Variants in PPM1E observed in about 807,000 individuals in gnomAD.
PPM1E encodes the protein protein phosphatase 1E.
PPM1E carries 20 observed loss-of-function variants against 65.9 expected under a neutral mutation model. That is an observed-to-expected ratio of 0.30 (90% CI 0.21 to 0.44). The LOEUF (loss-of-function observed/expected upper bound fraction) is 0.44, where lower values mean the gene tolerates loss of function less well. Ranked by LOEUF, PPM1E falls within the 20% of genes least tolerant of loss-of-function variation. PPM1E has a pLI of 1.00. For missense variants in PPM1E, 713 were observed against 953.1 expected, an observed-to-expected ratio of 0.75 and a Z score of 3.32; for synonymous variants, 352 against 374.9, an observed-to-expected ratio of 0.94 and a Z score of 0.70.
intron 1 of PPM1E, among the ~76,000 whole-genome samples, chr17:58,848,131 G>C (rs1025479136): frequency 6.6e-6 from 1 of 152,212 alleles, no homozygotes; most frequent in African/African-American, 2.4e-5. Context: ...TTTGTATCCT[G>C]AGACTTTGCT....
chr17:58,779,920 A>G (rs7213035), intron 1 of PPM1E, among the ~76,000 whole-genome samples: 22,350 of 152,112 alleles, frequency 0.15, 2,544 homozygotes, highest in East Asian at 0.31. Context: ...ACATGTAAAG[A>G]TTTACCTCAT....
intron 2 of PPM1E, among the ~76,000 whole-genome samples, chr17:58,957,201 G>A (rs1207314278): frequency 1.3e-5 from 2 of 152,150 alleles, no homozygotes; most frequent in East Asian, 3.8e-4. Flanking sequence ...CTGTGAGGGG[G>A]TGGACTGCTA....
intron 1 of PPM1E, among the ~76,000 whole-genome samples, chr17:58,918,522 G>A (rs1356547361): frequency 2.6e-5 from 4 of 151,958 alleles, no homozygotes; most frequent in African/African-American, 2.4e-5. Context: ...TTAAAATAAT[G>A]TGTGCTTTAA....
At chr17:58,820,061 A>AATAC (rs1172103601) in intron 1 of PPM1E, among the ~76,000 whole-genome samples, 2 of 152,068 alleles carry the variant, frequency 1.3e-5, no homozygotes, top group African/African-American at 2.4e-5. Context: ...TAAATAAATA[A>AATAC]GATAAATAAA....
intron 1 of PPM1E, among the ~76,000 whole-genome samples, chr17:58,928,414 GA>G (rs2051850963): frequency 6.6e-6 from 1 of 151,858 alleles, no homozygotes; most frequent in African/African-American, 2.4e-5. Context: ...AACTCTTAGA[GA>G]AGGTATTTGG....
At chr17:58,900,342 G>A (rs543730448) in intron 1 of PPM1E, among the ~76,000 whole-genome samples, 8 of 152,068 alleles carry the variant, frequency 5.3e-5, no homozygotes, top group African/African-American at 9.7e-5. Context: ...AGAAATTACC[G>A]CAGTCACTCC....
chr17:58,896,850 A>T (rs2051424360), intron 1 of PPM1E, among the ~76,000 whole-genome samples: 1 of 152,208 alleles, frequency 6.6e-6, no homozygotes, highest in African/African-American at 2.4e-5. Flanking sequence ...ACTACAGAGG[A>T]TAAGTCAATG....
rs563715161 is a variant in PPM1E at position 58,930,248 on chromosome 17, T to TACACACACAC, written c.465-25400_465-25399insCACACACACA. 6.2e-3 allele frequency among the ~76,000 whole-genome samples: 885 copies of TACACACACAC among 142,124 alleles called. 5 individuals carry two copies. The highest frequency in any genetic ancestry group is 8.4e-3 in the Non-Finnish European group (550 of 65,608). The allele number at this position is 142,124 out of a possible 152,430, so 93.2% of individuals were successfully genotyped here. On this transcript the variant is annotated intron_variant, in intron 1 of 6. Coordinates refer to ENST00000308249, the MANE Select transcript of PPM1E (RefSeq NM_014906.5). ...CCACCTCTACAATAAATTAAATGTA[T>TACACACACAC]ATACACACACACACACACACACACA...
intron 1 of PPM1E, among the ~76,000 whole-genome samples, chr17:58,887,125 G>A (rs1035173770): frequency 6.7e-6 from 1 of 148,748 alleles, no homozygotes; most frequent in Non-Finnish European, 1.5e-5. Flanking sequence ...TGGGATTTAG[G>A]TTTATTGACC....
intron 1 of PPM1E, among the ~76,000 whole-genome samples, chr17:58,834,675 A>G (rs1027794675): frequency 4.6e-5 from 7 of 152,162 alleles, no homozygotes; most frequent in Non-Finnish European, 8.8e-5. Flanking sequence ...AATTGCTTTT[A>G]TGCCTTTGTC....
chr17:58,792,519 T>C (rs1470229392), intron 1 of PPM1E, among the ~76,000 whole-genome samples: 1 of 150,880 alleles, frequency 6.6e-6, no homozygotes, highest in African/African-American at 2.4e-5. Context: ...TTTTGTATGG[T>C]TTTGTAGAGA....
chr17:58,854,333 CAT>C (rs1390693430), intron 1 of PPM1E, among the ~76,000 whole-genome samples: 1 of 152,020 alleles, frequency 6.6e-6, no homozygotes, highest in Admixed American at 6.6e-5. Context: ...GGGTTTTCTA[CAT>C]ATAGGATCAC....
chr17:58,771,648 A>T (rs1244338464), intron 1 of PPM1E, among the ~76,000 whole-genome samples: 1 of 150,252 alleles, frequency 6.7e-6, no homozygotes, highest in East Asian at 1.9e-4. Context: ...GAAGAAGATA[A>T]AAAAGAAAGA....
intron 1 of PPM1E, among the ~76,000 whole-genome samples, chr17:58,775,854 C>T (rs1464345559): frequency 7.8e-6 from 1 of 127,540 alleles, no homozygotes; most frequent in African/African-American, 3.0e-5. Context: ...GCAGAGCTTG[C>T]AGTGAGCCGA....
intron 1 of PPM1E, among the ~76,000 whole-genome samples, chr17:58,776,278 G>A (rs887034298): frequency 1.1e-4 from 16 of 152,134 alleles, no homozygotes; most frequent in South Asian, 2.1e-4. Context: ...AGTGAGCCAT[G>A]ATCGCACCAC....
intron 1 of PPM1E, among the ~76,000 whole-genome samples, chr17:58,842,326 G>A (rs1789475966): frequency 6.6e-6 from 1 of 152,180 alleles, no homozygotes; most frequent in African/African-American, 2.4e-5. Context: ...ACAGAAAAAG[G>A]ACATTAAGTA....
chr17:58,881,650 G>A lies in PPM1E; in HGVS notation c.465-73999G>A, dbSNP rs562160626. 6.6e-5 allele frequency among the ~76,000 whole-genome samples: 10 copies of A among 151,962 alleles called. No individual in the cohort carries two copies. In the South Asian group the frequency reaches 2.1e-3, roughly 32 times the overall value. Reference sequence around the variant, plus strand: ...GCACTCCAGCCTGGTGACAGAGTGAGATTCCATCTCAAAAAAACAAAAAAC... The same window carrying A: ...GCACTCCAGCCTGGTGACAGAGTGAAATTCCATCTCAAAAAAACAAAAAAC... On this transcript the variant is annotated intron_variant, in intron 1 of 6. Transcript: ENST00000308249.
intron 1 of PPM1E, among the ~76,000 whole-genome samples, chr17:58,851,617 T>C (rs1462732708): frequency 6.6e-6 from 1 of 152,178 alleles, no homozygotes; most frequent in Non-Finnish European, 1.5e-5. Context: ...ATGGCAGATA[T>C]TGCTGCCTGA....
At chr17:58,902,299 ATTAAT>A (rs771293000) in intron 1 of PPM1E, among the ~76,000 whole-genome samples, 5 of 152,092 alleles carry the variant, frequency 3.3e-5, no homozygotes, top group African/African-American at 4.8e-5. Flanking sequence ...TTGCAGTCAA[ATTAAT>A]TTAAAGTTTG....
Sources: allele counts gnomAD v4.1 joint callset (sites outside exome capture counted in the v4.1 genomes callset), GRCh38; gene constraint gnomAD v4.1.1; transcripts MANE v1.5; gene names NCBI Gene and HGNC (gene_info 2026-07-23, HGNC 2026-07-21).